Variants in GDPD5 observed in about 807,000 individuals in gnomAD.
GDPD5 encodes the protein glycerophosphodiester phosphodiesterase domain containing 5, also known as glycerophosphodiester phosphodiesterase 2.
Under a neutral mutation model 75.1 loss-of-function variants are expected in GDPD5, and 48 were observed. The ratio of observed to expected loss-of-function variants is 0.64; its 90% CI spans 0.51 to 0.81. The LOEUF (loss-of-function observed/expected upper bound fraction) is 0.81. Ranked by LOEUF, GDPD5 falls within the 40% of genes least tolerant of loss-of-function variation. GDPD5 has a pLI of 0.00. For missense variants in GDPD5, 706 were observed against 822.6 expected (o/e 0.86, Z 1.73); for synonymous variants, 336 against 339.0 (o/e 0.99, Z 0.10).
rs60616589 is a variant in GDPD5, at chr11:75,486,025, C to T, written c.-61+4212G>A. Among the ~76,000 whole-genome samples the T allele has an allele frequency of 1.4e-4, 21 of 152,290 alleles. No individual in the cohort carries two copies. In the East Asian group the frequency reaches 4.1e-3, roughly 29 times the overall value. On this transcript the variant is annotated intron_variant, in intron 2 of 16. Transcript: ENST00000336898. The stretch of plus-strand genomic sequence containing the variant: ...GATGGTCTGAGGCTGAACTGGAACA[C>T]CAGTAGGCTGAGTGACTGCCCCAAG...
At chr11:75,460,158 T>G (rs1949380863) in intron 4 of GDPD5, among the ~76,000 whole-genome samples, 1 of 151,618 alleles carries the variant, frequency 6.6e-6, no homozygotes, top group Non-Finnish European at 1.5e-5. Context: ...GTTCCATTTG[T>G]CTCTCAAGTG....
chr11:75,524,203 C>G (rs2135526450), intron 1 of GDPD5, among the ~76,000 whole-genome samples: 2 of 152,324 alleles, frequency 1.3e-5, no homozygotes, highest in South Asian at 4.1e-4. Flanking sequence ...GTTCCCCTGC[C>G]CAGAAGAAAA....
intron 4 of GDPD5, among the ~76,000 whole-genome samples, chr11:75,459,640 C>A (rs1216655175): frequency 6.6e-6 from 1 of 151,970 alleles, no homozygotes; most frequent in Non-Finnish European, 1.5e-5. Context: ...GAAACCCCGT[C>A]TCTACTAAAA....
intron 1 of GDPD5, among the ~76,000 whole-genome samples, chr11:75,504,078 T>C (rs1234285104): frequency 6.6e-6 from 1 of 152,184 alleles, no homozygotes; most frequent in Admixed American, 6.5e-5. Context: ...GCACAGGTGC[T>C]CTCCAGCTCC....
At chr11:75,444,976 G>C (rs1467903254) in intron 9 of GDPD5, among the ~76,000 whole-genome samples, 1 of 152,122 alleles carries the variant, frequency 6.6e-6, no homozygotes, top group Non-Finnish European at 1.5e-5. Flanking sequence ...ACCTGGAAGA[G>C]AGGGTAGATG....
At chr11:75,498,726 G>A (rs913502416) in intron 1 of GDPD5, among the ~76,000 whole-genome samples, 3 of 152,188 alleles carry the variant, frequency 2.0e-5, no homozygotes, top group Non-Finnish European at 4.4e-5. Flanking sequence ...GCACAGTGGG[G>A]CTCTCAGAAG....
intron 6 of GDPD5, chr11:75,451,313 G>A (rs1432724714): frequency 1.3e-5 from 2 of 152,330 alleles, no homozygotes; most frequent in Non-Finnish European, 2.9e-5. Flanking sequence ...GGCTCGGGGC[G>A]GGAAGAGGCA....
Position 75,442,586 on chromosome 11 carries a change from C to A in GDPD5, c.949-5G>T, listed in dbSNP as rs756220201. On this transcript the variant is annotated splice_polypyrimidine_tract_variant and splice_region_variant and intron_variant, in intron 11 of 16. Coordinates refer to ENST00000336898, the MANE Select transcript of GDPD5 (RefSeq NM_030792.8). ...GGCTGTCCAGAAGGGGTCAGTCTGG[C>A]AGGGACAGGGACACACACATGGCTG... The A allele has an allele frequency of 6.2e-7, 1 of 1,613,318 alleles. No individual in the cohort carries two copies.
intron 4 of GDPD5, among the ~76,000 whole-genome samples, chr11:75,458,370 G>A (rs958302321): frequency 2.6e-5 from 4 of 152,168 alleles, no homozygotes; most frequent in Admixed American, 6.5e-5. Context: ...CTATAGGATG[G>A]GGATAAGAAA....
intron 3 of GDPD5, among the ~76,000 whole-genome samples, chr11:75,468,685 C>CT (rs1555006450): frequency 6.6e-6 from 1 of 152,016 alleles, no homozygotes; most frequent in Admixed American, 6.5e-5. Context: ...CGACGCCCCC[C>CT]CCCCGGGAGG....
At chr11:75,488,954 G>A (rs1197635104) in intron 2 of GDPD5, among the ~76,000 whole-genome samples, 2 of 152,180 alleles carry the variant, frequency 1.3e-5, no homozygotes, top group Non-Finnish European at 2.9e-5. Flanking sequence ...CCCTGTCCTT[G>A]CTAGAAGAGT....
At position 75,435,330 on chromosome 11, in the gene GDPD5, G is replaced by A. The variant is rs1948596783; in HGVS notation, c.*177C>T. ...AAAGGATGGAGTCCTGGCCCAGCTG[G>A]GCCTCAGGAGACAGGGAGTCCCCCT... On this transcript the variant is annotated 3_prime_UTR_variant, in exon 17 of 17. Transcript: ENST00000336898. 1.8e-6 allele frequency: 1 copy of A among 544,244 alleles called. No homozygotes were observed. The highest frequency in any genetic ancestry group is 4.8e-4 in the Middle Eastern group (1 of 2,076). The allele number at this position is 544,244 out of a possible 1,614,324, so 33.7% of individuals were successfully genotyped here.
intron 1 of GDPD5, among the ~76,000 whole-genome samples, chr11:75,504,334 G>A (rs1287439289): frequency 1.3e-5 from 2 of 152,206 alleles, no homozygotes; most frequent in African/African-American, 4.8e-5. Flanking sequence ...TTCAGCTAAA[G>A]GAGGCTAAAA....
In GDPD5 at chr11:75,473,373, G is replaced by T. The variant is rs1461317862; in HGVS notation, c.117+4246C>A. On this transcript the variant is annotated intron_variant, in intron 3 of 16. Coordinates refer to ENST00000336898, the MANE Select transcript of GDPD5 (RefSeq NM_030792.8). ...GATGGGCCTCCATCCACCCACGCTGGGCATCATGGGAGGATGGGAGGATGG... is the reference window on the plus strand; with the variant it reads ...GATGGGCCTCCATCCACCCACGCTGTGCATCATGGGAGGATGGGAGGATGG... Among the ~76,000 whole-genome samples the T allele has an allele frequency of 2.0e-5, 3 of 152,008 alleles. No homozygotes were observed. The East Asian group carries it at 5.8e-4, about 29-fold the overall frequency.
intron 1 of GDPD5, among the ~76,000 whole-genome samples, chr11:75,511,532 A>T (rs146328917): frequency 1.3e-5 from 2 of 152,288 alleles, no homozygotes; most frequent in East Asian, 1.9e-4. Flanking sequence ...TGCATCCTTG[A>T]ATCCATTCCC....
intron 2 of GDPD5, among the ~76,000 whole-genome samples, chr11:75,484,566 T>C (rs74925505): frequency 0.018 from 2,686 of 152,304 alleles, 38 homozygotes; most frequent in Non-Finnish European, 0.026. Flanking sequence ...TTAACAGGTT[T>C]TAAGCCCTTA....
intron 15 of GDPD5, among the ~76,000 whole-genome samples, chr11:75,439,152 C>A (rs559291795): frequency 6.6e-6 from 1 of 152,178 alleles, no homozygotes; most frequent in South Asian, 2.1e-4. Flanking sequence ...GGGACACACA[C>A]GGCAGTGGGA....
chr11:75,447,918 C>T (rs1406914881), intron 9 of GDPD5, among the ~76,000 whole-genome samples: 1 of 152,228 alleles, frequency 6.6e-6, no homozygotes, highest in Non-Finnish European at 1.5e-5. Flanking sequence ...TCCAGATCCC[C>T]ACTGGCTGCC....
intron 15 of GDPD5, 37 bp downstream of exon 15, chr11:75,439,842 G>T: frequency 1.3e-6 from 2 of 1,546,312 alleles, no homozygotes; most frequent in Non-Finnish European, 1.8e-6. Context: ...CTGCTGCAGG[G>T]TAGGGACAGC....
Sources: gnomAD v4.1 joint callset for allele counts (sites outside exome capture counted in the v4.1 genomes callset) on GRCh38, gnomAD v4.1.1 for gene constraint, MANE v1.5 for transcripts, NCBI Gene and HGNC (gene_info 2026-07-23, HGNC 2026-07-21) for gene names.